CCBE1: variants seen among roughly 807,000 people sequenced by gnomAD.
CCBE1 encodes collagen and calcium-binding EGF domain-containing protein 1.
In CCBE1, 37 loss-of-function variants were observed where a neutral mutation model predicts 50.0. The ratio of observed to expected loss-of-function variants is 0.74; its 90% confidence interval spans 0.57 to 0.97. The LOEUF (loss-of-function observed/expected upper bound fraction) is 0.97. Ranked by LOEUF, CCBE1 falls within the 50% of genes least tolerant of loss-of-function variation. The pLI is 0.00. For synonymous variants in CCBE1, 234 were observed against 203.7 expected (o/e 1.15, Z -1.27); for missense variants, 538 against 523.8 (o/e 1.03, Z -0.26).
At chr18:59,575,997 G>A (rs1156295226) in intron 2 of CCBE1, among the ~76,000 whole-genome samples, 4 of 152,164 alleles carry the variant, frequency 2.6e-5, no homozygotes, top group Non-Finnish European at 4.4e-5. Context: ...CTTTTCTCTA[G>A]TTTTTCCTGT....
chr18:59,490,013 G>A (rs1053439721), intron 2 of CCBE1, among the ~76,000 whole-genome samples: 12 of 123,474 alleles, frequency 9.7e-5, no homozygotes, highest in Admixed American at 3.0e-4. Flanking sequence ...TTGAGATGGA[G>A]TTTCCTTTTG....
At chr18:59,557,810 C>T (rs900438251) in intron 2 of CCBE1, among the ~76,000 whole-genome samples, 6 of 152,096 alleles carry the variant, frequency 3.9e-5, no homozygotes, top group Non-Finnish European at 5.9e-5. Flanking sequence ...TTCGCTGCTT[C>T]GTTCTTTCAT....
In CCBE1 at chr18:59,537,250, A is replaced by C. The variant is rs547683488; in HGVS notation, c.213-57012T>G. Among the ~76,000 whole-genome samples the C allele has an allele frequency of 3.3e-5, 5 of 152,248 alleles. No homozygotes were observed. In the South Asian group the frequency reaches 1.0e-3, roughly 32 times the overall value. On this transcript the variant is annotated intron_variant, in intron 2 of 10. Coordinates refer to ENST00000439986, the MANE Select transcript of CCBE1 (RefSeq NM_133459.4). The stretch of plus-strand genomic sequence containing the variant: ...GATTCTGGAGTCGTCTATCATATTT[A>C]CAGTCTCTGTAGAATAATGCCAGCC...
intron 2 of CCBE1, among the ~76,000 whole-genome samples, chr18:59,572,859 G>A (rs1401777014): frequency 2.6e-5 from 4 of 152,180 alleles, no homozygotes; most frequent in African/African-American, 9.7e-5. Context: ...TTTAGTTTAT[G>A]TGTCAATCCG....
chr18:59,599,863 G>A (rs2053407399), intron 2 of CCBE1, among the ~76,000 whole-genome samples: 1 of 152,092 alleles, frequency 6.6e-6, no homozygotes, highest in African/African-American at 2.4e-5. Context: ...GGCAATTAAA[G>A]CAAATTATTA....
chr18:59,576,312 A>T (rs11874951), intron 2 of CCBE1, among the ~76,000 whole-genome samples: 9,695 of 152,274 alleles, frequency 0.064, 933 homozygotes, highest in African/African-American at 0.21. Context: ...AGGTCACTTG[A>T]TGAGTGTGAA....
intron 7 of CCBE1, among the ~76,000 whole-genome samples, chr18:59,441,863 G>A (rs890498747): frequency 6.6e-6 from 1 of 152,100 alleles, no homozygotes; most frequent in African/African-American, 2.4e-5. Flanking sequence ...AGATAATATC[G>A]AACCATCTAA....
Position 59,586,028 on chromosome 18 carries a change from C to T in CCBE1, c.213-105790G>A, listed in dbSNP as rs145485812. Among the ~76,000 whole-genome samples the T allele has an allele frequency of 1.9e-3, 296 of 152,216 alleles. 1 individual carries two copies. Among genetic ancestry groups the T allele is most frequent in the African/African-American group, 6.7e-3 (280 of 41,534 alleles). On this transcript the variant is annotated intron_variant, in intron 2 of 10. Coordinates refer to ENST00000439986, the MANE Select transcript of CCBE1 (RefSeq NM_133459.4). Reference sequence around the variant, plus strand: ...TCTTTCTTTTTAGTAATAATATTGGCCTTTTAGTAATTTCACTTTTAATTT... The same window carrying T: ...TCTTTCTTTTTAGTAATAATATTGGTCTTTTAGTAATTTCACTTTTAATTT...
intron 2 of CCBE1, among the ~76,000 whole-genome samples, chr18:59,584,503 T>C (rs981607848): frequency 2.0e-5 from 3 of 149,106 alleles, no homozygotes; most frequent in Middle Eastern, 3.4e-3. Context: ...AGTATAATAA[T>C]AATAAAAAAA....
intron 2 of CCBE1, among the ~76,000 whole-genome samples, chr18:59,505,477 G>T (rs1913827728): frequency 6.6e-6 from 1 of 152,170 alleles, no homozygotes; most frequent in African/African-American, 2.4e-5. Context: ...TATGAATTCA[G>T]ATTAGCCACT....
chr18:59,685,442 GCAAAGGA>G (rs2054642219), intron 2 of CCBE1, among the ~76,000 whole-genome samples: 2 of 152,298 alleles, frequency 1.3e-5, no homozygotes, highest in East Asian at 3.9e-4. Flanking sequence ...TGCAGCAATT[GCAAAGGA>G]CACAAGAGAC....
At chr18:59,669,464 G>T (rs765611738) in intron 2 of CCBE1, among the ~76,000 whole-genome samples, 1 of 152,204 alleles carries the variant, frequency 6.6e-6, no homozygotes, top group Non-Finnish European at 1.5e-5. Flanking sequence ...CACAGCACTG[G>T]AAGGTGAGGT....
chr18:59,635,774 GGCA>G (rs2053908289), intron 2 of CCBE1, among the ~76,000 whole-genome samples: 2 of 151,684 alleles, frequency 1.3e-5, no homozygotes, highest in East Asian at 3.9e-4. Flanking sequence ...GTAAAATAAA[GGCA>G]GCAGCTGCAT....
chr18:59,480,139 G>A, intron 3 of CCBE1, 47 bp downstream of exon 3: 7 of 1,148,082 alleles, frequency 6.1e-6, no homozygotes, highest in Non-Finnish European at 9.2e-6. Context: ...GACTTTGAAT[G>A]ATTAGTTGTG....
chr18:59,562,997 G>A (rs1471432666), intron 2 of CCBE1, among the ~76,000 whole-genome samples: 1 of 152,210 alleles, frequency 6.6e-6, no homozygotes, highest in Non-Finnish European at 1.5e-5. Context: ...CCAAAACAGA[G>A]ACAAGACTGT....
chr18:59,584,606 G>A (rs575556386), intron 2 of CCBE1, among the ~76,000 whole-genome samples: 6 of 152,304 alleles, frequency 3.9e-5, no homozygotes, highest in African/African-American at 1.4e-4. Flanking sequence ...TTCCCCTAGT[G>A]CTGGTCTTGT....
At chr18:59,549,694 G>T (rs201579227) in intron 2 of CCBE1, among the ~76,000 whole-genome samples, 1 of 152,184 alleles carries the variant, frequency 6.6e-6, no homozygotes, top group East Asian at 1.9e-4. Context: ...ATGTGCTGCA[G>T]TGATATAGTA....
intron 5 of CCBE1, among the ~76,000 whole-genome samples, chr18:59,462,899 T>G (rs1911560022): frequency 1.3e-5 from 2 of 152,152 alleles, no homozygotes; most frequent in African/African-American, 4.8e-5. Context: ...AATATGCCTT[T>G]AACGCAAATA....
intron 2 of CCBE1, among the ~76,000 whole-genome samples, chr18:59,533,172 A>G (rs906978504): frequency 6.6e-6 from 1 of 152,230 alleles, no homozygotes; most frequent in Non-Finnish European, 1.5e-5. Context: ...AACAAAGTAG[A>G]TCGCAACTAG....
Sources: gnomAD v4.1 joint callset for allele counts (sites outside exome capture counted in the v4.1 genomes callset) on GRCh38, gnomAD v4.1.1 for gene constraint, MANE v1.5 for transcripts, NCBI Gene and HGNC (gene_info 2026-07-23, HGNC 2026-07-21) for gene names.